Variants in CEP350 observed in about 807,000 individuals in gnomAD.
CEP350 encodes centrosomal protein 350.
In CEP350, 126 loss-of-function variants were observed where a neutral mutation model predicts 331.8. The observed-to-expected ratio is 0.38, with a 90% CI of 0.33 to 0.44. The LOEUF is 0.44. Ranked by LOEUF, CEP350 falls within the 20% of genes least tolerant of loss-of-function variation. The probability of loss-of-function intolerance (pLI) is 1.00; values close to 1 mark genes in which losing one functional copy is unlikely to be tolerated. For missense variants in CEP350, 3,406 were observed against 3,634.6 expected, an observed-to-expected ratio of 0.94 and a Z score of 1.62; for synonymous variants, 1,200 against 1,259.5, an observed-to-expected ratio of 0.95 and a Z score of 1.00.
At chr1:180,025,751 G>T (rs893733149) in intron 14 of CEP350, among the ~76,000 whole-genome samples, 1 of 152,116 alleles carries the variant, frequency 6.6e-6, no homozygotes, top group Non-Finnish European at 1.5e-5. Context: ...CCTGTCGGGG[G>T]GTTAGGGGTA....
intron 1 of CEP350, among the ~76,000 whole-genome samples, chr1:179,977,178 G>T (rs1044054705): frequency 2.0e-5 from 3 of 152,186 alleles, no homozygotes; most frequent in African/African-American, 7.2e-5. Context: ...TGAGGGGCAG[G>T]TCTTTGTGGA....
intron 27 of CEP350, among the ~76,000 whole-genome samples, chr1:180,068,340 T>C (rs147994095): frequency 6.6e-6 from 1 of 152,276 alleles, no homozygotes; most frequent in Non-Finnish European, 1.5e-5. Flanking sequence ...AATTTCCATT[T>C]ATCAGTATAG....
At position 180,080,647 on chromosome 1, in the gene CEP350, C is replaced by T; in HGVS notation, c.6110C>T (p.Ser2037Phe). ...HCYSWSDESL[S>F]MTQSETTSDQ... ...TATAGTTGGTCAGATGAGTCATTAT[C>T]TATGACACAGTCAGGTAAGACTAAT... The change falls in exon 30 of 38, where the codon TCT (serine) becomes TTT (phenylalanine). Residue 2037 changes from serine (S) to phenylalanine (F), a missense_variant. Ser to Phe is a radical substitution (Grantham distance 155). Around this residue, in one of 5 missense-constraint regions of CEP350, gnomAD observed 1,415 missense variants for 1,512.3 expected, o/e 0.94. Transcript: ENST00000367607. 1 of 1,613,444 alleles carries T rather than the reference C, an allele frequency of 6.2e-7. No individual in the cohort carries two copies. Among genetic ancestry groups the T allele is most frequent in the South Asian group, 1.1e-5 (1 of 91,082 alleles).
intron 3 of CEP350, 62 bp downstream of exon 3, chr1:179,987,348 G>T (rs1652709938): frequency 2.3e-6 from 2 of 888,014 alleles, no homozygotes. Context: ...TGTTATGATT[G>T]AATAGATTAA....
At position 179,986,062 on chromosome 1, in the gene CEP350, A is replaced by G. The variant is rs182528583; in HGVS notation, c.-13-107A>G. The G allele has an allele frequency of 5.0e-5, 43 of 857,022 alleles. No homozygotes were observed. The East Asian group carries it at 1.1e-3, about 22-fold the overall frequency. 53.1% of individuals were successfully genotyped at this position (857,022 alleles called of 1,614,324 possible). A position where few individuals can be genotyped will look rare whatever the true frequency, so the allele number is the denominator to read the frequency against. ...TTTGATAGTAGCTTGTCCTATTTAC[A>G]TCCTAATGGGTGTGAAGTAGTCATA... On this transcript the variant is annotated intron_variant, in intron 1 of 37. Coordinates refer to ENST00000367607, the MANE Select transcript of CEP350 (RefSeq NM_014810.5).
chr1:179,957,128 T>C (rs1012984874), intron 1 of CEP350, among the ~76,000 whole-genome samples: 4 of 152,158 alleles, frequency 2.6e-5, no homozygotes, highest in African/African-American at 9.6e-5. Context: ...GTGTAGTTCA[T>C]TTATTATCTT....
intron 15 of CEP350, among the ~76,000 whole-genome samples, chr1:180,032,980 C>T (rs547052474): frequency 6.6e-6 from 1 of 152,060 alleles, no homozygotes; most frequent in East Asian, 1.9e-4. Context: ...CTCAGGCCTA[C>T]TTCTATTCAA....
At chr1:179,970,739 TG>T (rs2148591708) in intron 1 of CEP350, among the ~76,000 whole-genome samples, 1 of 152,342 alleles carries the variant, frequency 6.6e-6, no homozygotes, top group African/African-American at 2.4e-5. Context: ...TGTCAATACA[TG>T]TGAAAGAAAA....
At chr1:180,076,426 T>C (rs1430484948) in intron 28 of CEP350, among the ~76,000 whole-genome samples, 1 of 152,190 alleles carries the variant, frequency 6.6e-6, no homozygotes, top group Non-Finnish European at 1.5e-5. Context: ...GTTGATAATG[T>C]GGTGAATTAC....
At chr1:179,977,547 T>C (rs568362129) in intron 1 of CEP350, among the ~76,000 whole-genome samples, 2 of 152,294 alleles carry the variant, frequency 1.3e-5, no homozygotes, top group African/African-American at 4.8e-5. Context: ...TTATATTATT[T>C]CTTATATCAC....
At chr1:180,005,321 G>T (rs1015769015) in intron 7 of CEP350, among the ~76,000 whole-genome samples, 1 of 151,910 alleles carries the variant, frequency 6.6e-6, no homozygotes, top group African/African-American at 2.4e-5. Flanking sequence ...CCTTAAACCT[G>T]CTACTCTGGT....
chr1:180,090,558 A>AAAAAAAAAAAAG (rs1660127466), intron 32 of CEP350, among the ~76,000 whole-genome samples, 156 bp from the exon 33 acceptor site: 11 of 65,354 alleles, frequency 1.7e-4, no homozygotes, highest in Non-Finnish European at 3.7e-4. Flanking sequence ...AAAAAAAAAA[A>AAAAAAAAAAAAG]AAAAAAAAAA....
At chr1:180,023,680 C>T (rs546542486) in intron 13 of CEP350, among the ~76,000 whole-genome samples, 2 of 152,160 alleles carry the variant, frequency 1.3e-5, no homozygotes, top group African/African-American at 2.4e-5. Flanking sequence ...GTTATCATTT[C>T]TGTTTTAGAC....
At position 180,020,408 on chromosome 1, in the gene CEP350, T is replaced by C; in HGVS notation, c.2634T>C (p.Thr878=). The C allele has an allele frequency of 6.2e-6, 10 of 1,613,870 alleles. No homozygotes were observed. Among genetic ancestry groups the C allele is most frequent in the Non-Finnish European group, 8.5e-6 (10 of 1,179,892 alleles). ...ATGGACCTTGGACCAAGGCTGTAAC[T>C]CCACCTGTGAAAGATGATAATGAAG... ...QEDGPWTKAV[T]PPVKDDNEDV... Residue 878 remains threonine (T), a synonymous_variant, in exon 12 of 38, where the codon ACT becomes ACC. Transcript: ENST00000367607.
rs571989094 is a variant in CEP350 at position 180,105,215 on chromosome 1, G to C, written c.9190-5782G>C. 2.2e-4 allele frequency among the ~76,000 whole-genome samples: 33 copies of C among 152,036 alleles called. 1 individual carries two copies. In the South Asian group the frequency reaches 6.4e-3, roughly 30 times the overall value. ...ATCCCTCCCTTTTCCTTGAAACCTG[G>C]CTTTCTGCTCCCTCACTGGCTGCTG... On this transcript the variant is annotated intron_variant, in intron 37 of 37. Transcript: ENST00000367607.
intron 4 of CEP350, 83 bp downstream of exon 4, chr1:179,990,704 G>A: frequency 3.0e-6 from 2 of 658,774 alleles, no homozygotes; most frequent in Admixed American, 2.8e-5. Flanking sequence ...ACAGGGGTGT[G>A]CCACCACACC....
chr1:180,094,428 A>G lies in CEP350; in HGVS notation c.8323A>G (p.Lys2775Glu). 6.2e-7 allele frequency: 1 copy of G among 1,613,850 alleles called. No individual in the cohort carries two copies. Among genetic ancestry groups the G allele is most frequent in the Non-Finnish European group, 8.5e-7 (1 of 1,179,814 alleles). The change falls in exon 34 of 38, where the codon AAA (lysine) becomes GAA (glutamate). Residue 2775 changes from lysine (K) to glutamate (E), a missense_variant. Lys to Glu is a moderately conservative substitution (Grantham distance 56, BLOSUM62 1). This residue lies in a region of CEP350 where 1,415 missense variants were observed against 1,512.3 expected (regional missense o/e 0.94). Transcript: ENST00000367607. ...DTVNQLQQIK[K>E]TRDEKIQLSN... ...AGTCAATCAACTACAACAAATCAAA[A>G]AAACCAGGGATGAGAAAATCCAGCT...
chr1:179,998,274 A>G (rs960989111), intron 6 of CEP350, among the ~76,000 whole-genome samples: 30 of 145,116 alleles, frequency 2.1e-4, no homozygotes, highest in African/African-American at 7.7e-4. Context: ...AGATCAAAAT[A>G]TTATATAATA....
At position 180,090,757 on chromosome 1, in the gene CEP350, C is replaced by T. The variant is rs1660147336; in HGVS notation, c.6469C>T (p.Arg2157Cys). 2 of 1,552,424 alleles carry T rather than the reference C, an allele frequency of 1.3e-6. No individual in the cohort carries two copies. Among genetic ancestry groups the T allele is most frequent in the Non-Finnish European group, 1.7e-6 (2 of 1,147,146 alleles). ...TTGGAAATCACTAACAGAGTCAGAACGTTCCAGAGGATCCCTGGAGTCTAT... is the reference window on the plus strand; with the variant it reads ...TTGGAAATCACTAACAGAGTCAGAATGTTCCAGAGGATCCCTGGAGTCTAT... ...KNWKSLTESE[R>C]SRGSLESIAE... Residue 2157 changes from arginine to cysteine, a missense_variant, in exon 33 of 38, where the codon CGT becomes TGT. Physicochemically the swap from Arg to Cys is radical, Grantham distance 180 (BLOSUM62 -3). Around this residue, in one of 5 missense-constraint regions of CEP350, gnomAD observed 1,415 missense variants for 1,512.3 expected, o/e 0.94. Transcript: ENST00000367607.
Sources: allele counts gnomAD v4.1 joint callset (sites outside exome capture counted in the v4.1 genomes callset), GRCh38; gene constraint gnomAD v4.1.1; regional missense constraint gnomAD v4.1.1; transcripts MANE v1.5; gene names NCBI Gene and HGNC (gene_info 2026-07-23, HGNC 2026-07-21).